Variants in MBTD1 observed in about 807,000 individuals in gnomAD.
The protein encoded by MBTD1 is MBT domain-containing protein 1.
MBTD1 carries 24 observed loss-of-function variants against 87.8 expected under a neutral mutation model. That is an observed-to-expected ratio of 0.27 (90% CI 0.20 to 0.38). The LOEUF is 0.38. Among genes scored for constraint, MBTD1 ranks in the 10% least tolerant of loss-of-function variants. The pLI, the probability that MBTD1 is intolerant of heterozygous loss-of-function variation, is 1.00. For synonymous variants in MBTD1, 237 were observed against 248.6 expected, an observed-to-expected ratio of 0.95 and a Z score of 0.44; for missense variants, 436 against 760.2, an observed-to-expected ratio of 0.57 and a Z score of 5.02.
Position 51,225,064 on chromosome 17 carries a change from G to C in MBTD1, c.98C>G (p.Pro33Arg). Residue 33 changes from proline (P) to arginine (R), a missense_variant, in exon 3 of 17, where the codon CCG becomes CGG. By Grantham distance (103) the Pro-to-Arg change is moderately radical. This residue lies in a region of MBTD1 where 18 missense variants were observed against 107.8 expected (regional missense o/e 0.17). Transcript: ENST00000586178. ...GACTTGCCCATTGTTTTTGATAATC[G>C]GGAGATTAGAAGGTAAAGGAGCGAC... ...EEVAPLPSNL[P>R]IIKNNGQVYT... The C allele has an allele frequency of 1.3e-6, 2 of 1,551,142 alleles. No individual in the cohort carries two copies. The highest frequency in any genetic ancestry group is 1.7e-6 in the Non-Finnish European group (2 of 1,146,642).
intron 6 of MBTD1, among the ~76,000 whole-genome samples, chr17:51,215,954 C>CT (rs2052545337): frequency 9.1e-6 from 1 of 110,162 alleles, no homozygotes; most frequent in Admixed American, 1.2e-4. Flanking sequence ...TTTTTTGAGA[C>CT]TGAGTGTCGC....
Position 51,179,484 on chromosome 17 carries a change from T to TATATATATATATATTTTTATATATA in MBTD1, c.*1091_*1092insTATATATAAAAATATATATATATAT, listed in dbSNP as rs60957699. The stretch of plus-strand genomic sequence containing the variant: ...ATCCTGAATACAATTAAAGACAATT[T>TATATATATATATATTTTTATATATA]TATATATATATATATATATATATAT... On this transcript the variant is annotated 3_prime_UTR_variant, in exon 17 of 17. Coordinates refer to ENST00000586178, the MANE Select transcript of MBTD1 (RefSeq NM_017643.3). 2.8e-5 allele frequency: 1 copy of TATATATATATATATTTTTATATATA among 35,302 alleles called. No individual in the cohort carries two copies. Among genetic ancestry groups the TATATATATATATATTTTTATATATA allele is most frequent in the Non-Finnish European group, 5.9e-5 (1 of 17,018 alleles). The allele number at this position is 35,302 out of a possible 1,614,324, so 2.2% of individuals were successfully genotyped here.
In MBTD1 at chr17:51,255,588, CT is replaced by C. The variant is rs200452852; in HGVS notation, c.-49+3554del. 4.5e-3 allele frequency among the ~76,000 whole-genome samples: 659 copies of C among 147,090 alleles called. 7 individuals are homozygous for C. Among genetic ancestry groups the C allele is most frequent in the African/African-American group, 0.015 (602 of 39,958 alleles). On this transcript the variant is annotated intron_variant, in intron 2 of 16. Coordinates refer to ENST00000586178, the MANE Select transcript of MBTD1 (RefSeq NM_017643.3). Reference sequence around the variant, plus strand: ...TCTTAAAGTAATAGATGATGATAACCTTTTTTTTTTCCTTTTTTTTTTTTTG... The same window carrying C: ...TCTTAAAGTAATAGATGATGATAACCTTTTTTTTTCCTTTTTTTTTTTTTG...
In MBTD1 at chr17:51,179,091, T is replaced by G. The variant is rs2050187620; in HGVS notation, c.*1485A>C. ...AAAATGGTCTCCTGGGGCTTTCCAT[T>G]AACATTTTTTAAAGCATTCCATAGG... On this transcript the variant is annotated 3_prime_UTR_variant, in exon 17 of 17. Transcript: ENST00000586178. 1 of 152,126 alleles carries G rather than the reference T, an allele frequency of 6.6e-6. No individual in the cohort carries two copies. Among genetic ancestry groups the G allele is most frequent in the Non-Finnish European group, 1.5e-5 (1 of 68,018 alleles). The allele number at this position is 152,126 out of a possible 1,614,324, so 9.4% of individuals were successfully genotyped here.
chr17:51,254,684 C>G (rs769739719), intron 2 of MBTD1, among the ~76,000 whole-genome samples: 11 of 152,180 alleles, frequency 7.2e-5, no homozygotes, highest in Non-Finnish European at 1.3e-4. Context: ...CAGTTTCCCT[C>G]TCTTCTAAAT....
intron 7 of MBTD1, among the ~76,000 whole-genome samples, chr17:51,204,497 TTA>T (rs35086234): frequency 8.0e-4 from 115 of 144,524 alleles, no homozygotes; most frequent in Middle Eastern, 3.6e-3. Flanking sequence ...TTATATATAA[TTA>T]TATATATATA....
At chr17:51,233,257 C>CTCA (rs2053642316) in intron 2 of MBTD1, among the ~76,000 whole-genome samples, 1 of 151,828 alleles carries the variant, frequency 6.6e-6, no homozygotes, top group African/African-American at 2.4e-5. Context: ...ACAAGCTCTA[C>CTCA]TCAGGTAGAC....
chr17:51,212,419 C>T (rs1460010318), intron 6 of MBTD1, among the ~76,000 whole-genome samples: 1 of 147,154 alleles, frequency 6.8e-6, no homozygotes, highest in African/African-American at 2.5e-5. Context: ...AAAGTTTCTG[C>T]ATCTATGTGT....
intron 2 of MBTD1, among the ~76,000 whole-genome samples, chr17:51,238,929 GTC>G (rs1180201098): frequency 6.6e-6 from 1 of 152,000 alleles, no homozygotes; most frequent in African/African-American, 2.4e-5. Flanking sequence ...GTAAAACCCT[GTC>G]TCTACTAAAA....
At chr17:51,228,591 G>A (rs1477294422) in intron 2 of MBTD1, among the ~76,000 whole-genome samples, 2 of 129,648 alleles carry the variant, frequency 1.5e-5, no homozygotes, top group East Asian at 4.6e-4. Context: ...AAGAAAATAG[G>A]AGACAATAAA....
At position 51,239,916 on chromosome 17, in the gene MBTD1, C is replaced by T. The variant is rs114332613; in HGVS notation, c.-48-14707G>A. On this transcript the variant is annotated intron_variant, in intron 2 of 16. Coordinates refer to ENST00000586178, the MANE Select transcript of MBTD1 (RefSeq NM_017643.3). ...CCAATACTTTCATCTGATCTACCAT[C>T]CGTCCTCCAGTTTCGTCAACTGACT... is the stretch of plus-strand genomic sequence containing the variant. Among the ~76,000 whole-genome samples the T allele has an allele frequency of 4.6e-3, 708 of 152,310 alleles. 7 individuals are homozygous for T. Among genetic ancestry groups the T allele is most frequent in the African/African-American group, 0.016 (681 of 41,570 alleles).
At chr17:51,224,747 T>G (rs2053115850) in intron 3 of MBTD1, among the ~76,000 whole-genome samples, 1 of 152,224 alleles carries the variant, frequency 6.6e-6, no homozygotes, top group Admixed American at 6.5e-5. Flanking sequence ...ACAGAGGCAT[T>G]TCTTATCTAA....
At chr17:51,204,096 T>C (rs561833148) in intron 7 of MBTD1, among the ~76,000 whole-genome samples, 171 bp from the exon 8 acceptor site, 1 of 152,280 alleles carries the variant, frequency 6.6e-6, no homozygotes, top group East Asian at 1.9e-4. Context: ...TTTGTAGATC[T>C]TGGGTGGGAA....
chr17:51,201,638 A>G lies in MBTD1; in HGVS notation c.1178T>C (p.Ile393Thr). The change falls in exon 12 of 17, where the codon ATA (isoleucine) becomes ACA (threonine). Residue 393 changes from isoleucine to threonine, a missense_variant. Coordinates refer to ENST00000586178, the MANE Select transcript of MBTD1 (RefSeq NM_017643.3). ...TATTGTAGAAAGATTTAATGGGTCTATAGCTTCCAATTTCATTCCTTCCTT... is the reference window on the plus strand; with the variant it reads ...TATTGTAGAAAGATTTAATGGGTCTGTAGCTTCCAATTTCATTCCTTCCTT... ...WFKEGMKLEA[I>T]DPLNLSTICV... The G allele has an allele frequency of 4.3e-6, 7 of 1,612,190 alleles. No homozygotes were observed. Among genetic ancestry groups the G allele is most frequent in the Non-Finnish European group, 5.9e-6 (7 of 1,178,880 alleles).
chr17:51,212,352 C>T (rs563352428), intron 6 of MBTD1, among the ~76,000 whole-genome samples: 180 of 108,254 alleles, frequency 1.7e-3, no homozygotes, highest in African/African-American at 4.1e-3. Flanking sequence ...AGTGAGACTC[C>T]GCCTCAAAAA....
chr17:51,223,782 G>A (rs945849970), intron 3 of MBTD1, among the ~76,000 whole-genome samples: 1 of 152,182 alleles, frequency 6.6e-6, no homozygotes, highest in Non-Finnish European at 1.5e-5. Flanking sequence ...GCTACAGTGA[G>A]CCGAGATTGC....
chr17:51,193,207 C>T (rs2050895479), intron 14 of MBTD1, among the ~76,000 whole-genome samples, 191 bp from the exon 15 acceptor site: 2 of 152,058 alleles, frequency 1.3e-5, no homozygotes, highest in African/African-American at 4.8e-5. Flanking sequence ...TAGGAAAAAT[C>T]TTCATTTCTA....
intron 2 of MBTD1, among the ~76,000 whole-genome samples, chr17:51,241,357 G>C (rs1445418108): frequency 6.6e-6 from 1 of 151,970 alleles, no homozygotes; most frequent in Admixed American, 6.6e-5. Context: ...GCAATCTATG[G>C]GGAGACACTT....
chr17:51,213,345 G>A (rs1314380763), intron 6 of MBTD1, among the ~76,000 whole-genome samples: 1 of 152,120 alleles, frequency 6.6e-6, no homozygotes, highest in Non-Finnish European at 1.5e-5. Context: ...GTGCTTTAAA[G>A]CCAAATGTTC....
Sources: gnomAD v4.1 joint callset for allele counts (sites outside exome capture counted in the v4.1 genomes callset) on GRCh38, gnomAD v4.1.1 for gene constraint, gnomAD v4.1.1 regional missense constraint, MANE v1.5 for transcripts, NCBI Gene and HGNC (gene_info 2026-07-23, HGNC 2026-07-21) for gene names.